The following CD38 variants were observed in gnomAD, a reference collection of about 807,000 sequenced individuals.
CD38 encodes ADP-ribosyl cyclase/cyclic ADP-ribose hydrolase 1.
Under a neutral mutation model 36.3 loss-of-function variants are expected in CD38, and 31 were observed. The observed-to-expected ratio is 0.85, with a 90% CI of 0.64 to 1.15. CD38 has a LOEUF of 1.15. CD38 is among the 50% of genes most tolerant of loss of function. The probability of loss-of-function intolerance (pLI) is 0.00; values close to 1 mark genes in which losing one functional copy is unlikely to be tolerated. For missense variants in CD38, 380 were observed against 371.9 expected (o/e 1.02, Z -0.18); for synonymous variants, 131 against 135.2 (o/e 0.97, Z 0.22).
intron 1 of CD38, among the ~76,000 whole-genome samples, chr4:15,804,444 A>G (rs547066597): frequency 7.2e-5 from 11 of 152,330 alleles, no homozygotes; most frequent in Non-Finnish European, 5.9e-5. Context: ...AAGAAAATAA[A>G]ATCATATGTC....
chr4:15,852,118 A>G lies in CD38; in HGVS notation c.*3516A>G, dbSNP rs1012348879. On this transcript the variant is annotated 3_prime_UTR_variant, in exon 8 of 8. Transcript: ENST00000226279. ...TCCTGTTACAACAACAGTGTCTCTCAATCCACAGTAATTGCAGCATCCAGT... is the reference window on the plus strand; with the variant it reads ...TCCTGTTACAACAACAGTGTCTCTCGATCCACAGTAATTGCAGCATCCAGT... 1 of 152,228 alleles carries G rather than the reference A, an allele frequency of 6.6e-6. No homozygotes were observed. Among genetic ancestry groups the G allele is most frequent in the Admixed American group, 6.5e-5 (1 of 15,288 alleles). 9.4% of individuals were successfully genotyped at this position (152,228 alleles called of 1,614,324 possible).
chr4:15,840,245 C>A, intron 6 of CD38, 127 bp downstream of exon 6: 1 of 761,484 alleles, frequency 1.3e-6, no homozygotes, highest in Non-Finnish European at 2.3e-6. Context: ...TGCATGAATC[C>A]CAACAGCCTC....
At chr4:15,821,094 G>A (rs1329314931) in intron 2 of CD38, among the ~76,000 whole-genome samples, 1 of 152,054 alleles carries the variant, frequency 6.6e-6, no homozygotes, top group African/African-American at 2.4e-5. Flanking sequence ...TGACTCCTGG[G>A]TAAATAATAA....
chr4:15,815,192 A>G (rs1252430256), intron 1 of CD38, among the ~76,000 whole-genome samples: 3 of 152,182 alleles, frequency 2.0e-5, no homozygotes, highest in Admixed American at 6.5e-5. Flanking sequence ...CTTTGTAGTC[A>G]GGTAACGTGA....
intron 3 of CD38, among the ~76,000 whole-genome samples, chr4:15,829,699 A>G (rs1302716623): frequency 6.6e-6 from 1 of 152,100 alleles, no homozygotes; most frequent in African/African-American, 2.4e-5. Flanking sequence ...TATTCATTCT[A>G]ACTATTTTTT....
chr4:15,808,231 T>G (rs3756240), intron 1 of CD38, among the ~76,000 whole-genome samples: 16,181 of 152,140 alleles, frequency 0.11, 1,412 homozygotes, highest in African/African-American at 0.23. Flanking sequence ...CTAGCCTCCC[T>G]CCCCACCCCA....
At chr4:15,838,533 T>C (rs1724125000) in intron 5 of CD38, among the ~76,000 whole-genome samples, 1 of 152,130 alleles carries the variant, frequency 6.6e-6, no homozygotes, top group South Asian at 2.1e-4. Flanking sequence ...GCTCCCCTGC[T>C]CCCTTCTGTC....
intron 1 of CD38, among the ~76,000 whole-genome samples, chr4:15,791,261 G>C (rs1359552495): frequency 5.5e-5 from 3 of 54,248 alleles, no homozygotes; most frequent in Non-Finnish European, 6.5e-5. Context: ...GAAGTGAGGA[G>C]CCCCTCTGCC....
At chr4:15,840,579 C>T (rs749930934) in intron 7 of CD38, 41 bp downstream of exon 7, 1 of 1,184,872 alleles carries the variant, frequency 8.4e-7, no homozygotes, top group Non-Finnish European at 1.2e-6. Context: ...ACTGTCTTGT[C>T]ACCTGTAGAA....
At chr4:15,835,381 T>C (rs1268465435) in intron 4 of CD38, among the ~76,000 whole-genome samples, 4 of 126,866 alleles carry the variant, frequency 3.2e-5, no homozygotes, top group African/African-American at 1.3e-4. Context: ...TTTTTTTTTT[T>C]TTTTTTTTTT....
chr4:15,839,945 T>A, intron 5 of CD38, 81 bp from the exon 6 acceptor site: 1 of 918,734 alleles, frequency 1.1e-6, no homozygotes, highest in Non-Finnish European at 1.8e-6. Flanking sequence ...CCAGTGCCTT[T>A]CTGCCTGCTG....
At chr4:15,801,322 A>AT (rs1286130704) in intron 1 of CD38, among the ~76,000 whole-genome samples, 2 of 152,066 alleles carry the variant, frequency 1.3e-5, no homozygotes. Flanking sequence ...TTAAAAAAAA[A>AT]AGCTCAGGAC....
At position 15,850,000 on chromosome 4, in the gene CD38, AT is replaced by A. The variant is rs2148930593; in HGVS notation, c.*1402del. 6.6e-6 allele frequency: 1 copy of A among 152,046 alleles called. No homozygotes were observed. The highest frequency in any genetic ancestry group is 1.9e-4 in the East Asian group (1 of 5,180). The allele number at this position is 152,046 out of a possible 1,614,324, so 9.4% of individuals were successfully genotyped here. A position where few individuals can be genotyped will look rare whatever the true frequency, so the allele number is the denominator to read the frequency against. ...TGTGCCTAGTTTTTAACATCTGGAG[AT>A]TTTCTAGTTTTGAAAAAAACATAAG... On this transcript the variant is annotated 3_prime_UTR_variant, in exon 8 of 8. Coordinates refer to ENST00000226279, the MANE Select transcript of CD38 (RefSeq NM_001775.4).
chr4:15,781,871 C>G (rs2148912655), intron 1 of CD38, among the ~76,000 whole-genome samples: 1 of 152,326 alleles, frequency 6.6e-6, no homozygotes, highest in South Asian at 2.1e-4. Context: ...AACAACCACC[C>G]TAAAATTTAG....
At chr4:15,785,864 C>G (rs1722807917) in intron 1 of CD38, among the ~76,000 whole-genome samples, 1 of 152,102 alleles carries the variant, frequency 6.6e-6, no homozygotes, top group African/African-American at 2.4e-5. Context: ...GGTGGTGTGT[C>G]CAGAGTTTGT....
rs1577666345 is a variant in CD38 at position 15,851,272 on chromosome 4, C to G, written c.*2670C>G. The G allele has an allele frequency of 6.6e-6, 1 of 152,366 alleles. No individual in the cohort carries two copies. The highest frequency in any genetic ancestry group is 1.9e-4 in the East Asian group (1 of 5,188). 9.4% of individuals were successfully genotyped at this position (152,366 alleles called of 1,614,324 possible). On this transcript the variant is annotated 3_prime_UTR_variant, in exon 8 of 8. Coordinates refer to ENST00000226279, the MANE Select transcript of CD38 (RefSeq NM_001775.4). ...TGCCATCTCTGGCCCGAAGGACTTT[C>G]TGACCTACATGTATAAATACCCCCT... is the stretch of plus-strand genomic sequence containing the variant.
Position 15,778,446 on chromosome 4 carries a change from G to T in CD38, c.32G>T (p.Gly11Val). The T allele has an allele frequency of 6.2e-7, 1 of 1,613,956 alleles. No individual in the cohort carries two copies. MANCEFSPVS[G>V]DKPCCRLSRR... ...AACTGCGAGTTCAGCCCGGTGTCCG[G>T]GGACAAACCCTGCTGCCGGCTCTCT... The change falls in exon 1 of 8, where the codon GGG (glycine) becomes GTG (valine). Residue 11 changes from glycine (G) to valine (V), a missense_variant. Coordinates refer to ENST00000226279, the MANE Select transcript of CD38 (RefSeq NM_001775.4). This position sits in a 1 kb window ranked among gnomAD's most constrained non-coding sequence, Gnocchi z 4.9.
At chr4:15,816,700 A>G (rs771081927) in intron 2 of CD38, 60 bp downstream of exon 2, 7 of 1,553,156 alleles carry the variant, frequency 4.5e-6, no homozygotes, top group Non-Finnish European at 6.2e-6. Context: ...GTAACAATTC[A>G]TAGGTCCAAA....
intron 1 of CD38, among the ~76,000 whole-genome samples, chr4:15,790,574 T>C (rs1486587633): frequency 2.0e-5 from 3 of 152,040 alleles, no homozygotes; most frequent in Non-Finnish European, 4.4e-5. Context: ...AGTGCCGAGA[T>C]TGCAGCCTCT....
Sources: gnomAD v4.1 joint callset for allele counts (sites outside exome capture counted in the v4.1 genomes callset) on GRCh38, gnomAD v4.1.1 for gene constraint, Gnocchi (gnomAD v3.1) non-coding constraint, MANE v1.5 for transcripts, NCBI Gene and HGNC (gene_info 2026-07-23, HGNC 2026-07-21) for gene names.